The following DOCK7 variants were observed in gnomAD, a reference collection of about 807,000 sequenced individuals.
DOCK7 encodes the protein dedicator of cytokinesis 7.
DOCK7 carries 138 observed loss-of-function variants against 271.0 expected under a neutral mutation model. The observed-to-expected ratio is 0.51, with a 90% CI of 0.44 to 0.59. The LOEUF is 0.59. Among genes scored for constraint, DOCK7 ranks in the 20% least tolerant of loss-of-function variants. The probability of loss-of-function intolerance (pLI) is 0.00; values close to 1 mark genes in which losing one functional copy is unlikely to be tolerated. For synonymous variants in DOCK7, 823 were observed against 876.1 expected, an observed-to-expected ratio of 0.94 and a Z score of 1.07; for missense variants, 2,066 against 2,592.4, an observed-to-expected ratio of 0.80 and a Z score of 4.41.
chr1:62,638,853 T>TA (rs1655624646), intron 7 of DOCK7, among the ~76,000 whole-genome samples: 1 of 151,728 alleles, frequency 6.6e-6, no homozygotes. Context: ...TTCCATACTA[T>TA]AAAAAACGTC....
At chr1:62,562,202 G>T in intron 18 of DOCK7, among the ~76,000 whole-genome samples, 1 of 145,234 alleles carries the variant, frequency 6.9e-6, no homozygotes, top group African/African-American at 2.5e-5. Flanking sequence ...ATATTTGCAA[G>T]CAAAAGCCTG....
chr1:62,679,069 G>C (rs113964616), intron 1 of DOCK7, among the ~76,000 whole-genome samples: 1 of 151,714 alleles, frequency 6.6e-6, no homozygotes, highest in African/African-American at 2.4e-5. Flanking sequence ...CAATAGAGGC[G>C]GCAGGGCAGA....
chr1:62,520,988 A>C (rs565290836), intron 31 of DOCK7, among the ~76,000 whole-genome samples: 135 of 152,254 alleles, frequency 8.9e-4, no homozygotes, highest in African/African-American at 3.1e-3. Context: ...CATTCTCAGC[A>C]AACTAACACA....
chr1:62,648,431 C>G lies in DOCK7; in HGVS notation c.503G>C (p.Ser168Thr). The stretch of plus-strand genomic sequence containing the variant: ...AAGTATTACTTGATCATCCTGGTAG[C>G]TGTTGCCATCTGGAGCTTCATCAGA... ...FESDEAPDGN[S>T]YQDDQDDLKR... The change falls in exon 5 of 50, where the codon AGC becomes ACC. Residue 168 changes from serine to threonine, a missense_variant. Ser to Thr is a moderately conservative substitution (Grantham distance 58). Around this residue, in one of 2 missense-constraint regions of DOCK7, gnomAD observed 1,414 missense variants for 1,670.4 expected, o/e 0.85. Coordinates refer to ENST00000635253, the MANE Select transcript of DOCK7 (RefSeq NM_001367561.1). The G allele has an allele frequency of 2.6e-6, 4 of 1,542,016 alleles. No homozygotes were observed. The African/African-American group carries it at 5.5e-5, about 21-fold the overall frequency.
At chr1:62,482,622 C>T (rs1026523135) in intron 43 of DOCK7, 12 of 152,122 alleles carry the variant, frequency 7.9e-5, no homozygotes, top group African/African-American at 2.9e-4. Context: ...GCCTCAAGCT[C>T]TTAATTAAGC....
At position 62,559,006 on chromosome 1, in the gene DOCK7, A is replaced by G; in HGVS notation, c.2414T>C (p.Val805Ala). The G allele has an allele frequency of 1.2e-6, 2 of 1,612,306 alleles. No individual in the cohort carries two copies. The highest frequency in any genetic ancestry group is 1.7e-6 in the Non-Finnish European group (2 of 1,178,696). Residue 805 changes from valine (V) to alanine (A), a missense_variant, in exon 20 of 50, where the codon GTC becomes GCC. Around this residue, in one of 2 missense-constraint regions of DOCK7, gnomAD observed 1,414 missense variants for 1,670.4 expected, o/e 0.85. Coordinates refer to ENST00000635253, the MANE Select transcript of DOCK7 (RefSeq NM_001367561.1). ...TAAATTACCTATTTGGCCAGCAATGACAGGAGGTCTAATAACTAAAAGTAT... is the reference window on the plus strand; with the variant it reads ...TAAATTACCTATTTGGCCAGCAATGGCAGGAGGTCTAATAACTAAAAGTAT... ...KLILLVIRPP[V>A]IAGQIVNLGQ...
At chr1:62,605,823 A>T (rs1650908503) in intron 14 of DOCK7, 1 of 152,082 alleles carries the variant, frequency 6.6e-6, no homozygotes, top group Non-Finnish European at 1.5e-5. Context: ...GTTTATCGAC[A>T]TCACAACAGA....
At chr1:62,687,640 A>T in intron 1 of DOCK7, 1 of 152,246 alleles carries the variant, frequency 6.6e-6, no homozygotes, top group East Asian at 1.9e-4. Context: ...TCCTGGACGC[A>T]CAAGTCCACT....
intron 11 of DOCK7, among the ~76,000 whole-genome samples, chr1:62,625,800 G>C (rs11207998): frequency 0.12 from 18,998 of 152,160 alleles, 1,278 homozygotes; most frequent in South Asian, 0.25. Flanking sequence ...GTACTTGCAA[G>C]ATAATCCTAT....
chr1:62,484,809 ATAAT>A (rs1287420054), intron 43 of DOCK7: 4 of 152,318 alleles, frequency 2.6e-5, no homozygotes, highest in Admixed American at 2.6e-4. Context: ...TCTGCTAAAA[ATAAT>A]TAAATATGAA....
At chr1:62,601,140 C>T in intron 14 of DOCK7, 1 of 1,610,972 alleles carries the variant, frequency 6.2e-7, no homozygotes, top group East Asian at 2.2e-5. Context: ...AAGCCAAGAG[C>T]ACCAAGAACT....
rs115353638 is a variant in DOCK7, at chr1:62,504,726, C to G, written c.4668G>C (p.Arg1556Ser). The change falls in exon 37 of 50, where the codon AGG (arginine) becomes AGC (serine). Residue 1556 changes from arginine (R) to serine (S), a missense_variant. By Grantham distance (110) the Arg-to-Ser change is moderately radical. Coordinates refer to ENST00000635253, the MANE Select transcript of DOCK7 (RefSeq NM_001367561.1). ...ETEQCADLCL[R>S]LLRHCSSSIG... is the part of the protein sequence containing the mutation. ...TGCTACTGCTACAGTGTCGGAGAAG[C>G]CTGAGGCATAAATCAGCACACTGCT... 8 of 1,614,058 alleles carry G rather than the reference C, an allele frequency of 5.0e-6. No individual in the cohort carries two copies. The highest frequency in any genetic ancestry group is 6.8e-6 in the Non-Finnish European group (8 of 1,180,006).
At chr1:62,604,446 G>C in intron 14 of DOCK7, 1 of 883,086 alleles carries the variant, frequency 1.1e-6, no homozygotes, top group Non-Finnish European at 1.7e-6. Context: ...TCTATTTTTT[G>C]GTAGTGTATA....
At chr1:62,604,663 A>G in intron 14 of DOCK7, 1 of 1,613,236 alleles carries the variant, frequency 6.2e-7, no homozygotes, top group South Asian at 1.1e-5. Context: ...GAGTGTGGAG[A>G]AAACAACCTA....
chr1:62,637,225 A>C (rs541186780), intron 7 of DOCK7, among the ~76,000 whole-genome samples: 17 of 152,306 alleles, frequency 1.1e-4, no homozygotes, highest in South Asian at 2.1e-4. Flanking sequence ...CATCTTTTTT[A>C]ATGCTGGCAT....
chr1:62,537,193 C>T lies in DOCK7; in HGVS notation c.3471+698G>A, dbSNP rs527456253. Among the ~76,000 whole-genome samples the T allele has an allele frequency of 3.3e-5, 5 of 152,306 alleles. No individual in the cohort carries two copies. The East Asian group carries it at 5.8e-4, about 18-fold the overall frequency. ...ATTCTTGGTGTCTGCTTCAAGAGAA[C>T]TCAATTTGTGAAAACATCTTAATTA... is the stretch of plus-strand genomic sequence containing the variant. On this transcript the variant is annotated intron_variant, in intron 28 of 49. Coordinates refer to ENST00000635253, the MANE Select transcript of DOCK7 (RefSeq NM_001367561.1).
chr1:62,501,050 G>T lies in DOCK7; in HGVS notation c.4764+3580C>A, dbSNP rs554253288. Among the ~76,000 whole-genome samples, 4 of 152,078 alleles carry T rather than the reference G, an allele frequency of 2.6e-5. No individual in the cohort carries two copies. The South Asian group carries it at 8.3e-4, about 32-fold the overall frequency. On this transcript the variant is annotated intron_variant, in intron 37 of 49. Transcript: ENST00000635253. The stretch of plus-strand genomic sequence containing the variant: ...AAACGCTGTCTCTATTTTTAAAAGG[G>T]GGGGTGAGTGGGGTGGGCAGGGCGA...
At chr1:62,520,861 C>CA (rs1644825984) in intron 31 of DOCK7, among the ~76,000 whole-genome samples, 1 of 152,126 alleles carries the variant, frequency 6.6e-6, no homozygotes, top group East Asian at 1.9e-4. Flanking sequence ...TCCCAATGCC[C>CA]ATCAATGATA....
intron 1 of DOCK7, among the ~76,000 whole-genome samples, chr1:62,663,683 A>C (rs770116021): frequency 6.6e-6 from 1 of 152,156 alleles, no homozygotes; most frequent in Non-Finnish European, 1.5e-5. Flanking sequence ...TTAAGATATA[A>C]TCTTTTCTCC....
Sources: gnomAD v4.1 joint callset for allele counts (sites outside exome capture counted in the v4.1 genomes callset) on GRCh38, gnomAD v4.1.1 for gene constraint, gnomAD v4.1.1 regional missense constraint, MANE v1.5 for transcripts, NCBI Gene and HGNC (gene_info 2026-07-23, HGNC 2026-07-21) for gene names.